Variants in PDXDC1 observed in about 807,000 individuals in gnomAD.
The protein encoded by PDXDC1 is pyridoxal-dependent decarboxylase domain-containing protein 1.
PDXDC1 carries 42 observed loss-of-function variants against 100.1 expected under a neutral mutation model. The observed-to-expected ratio is 0.42, with a 90% CI of 0.33 to 0.54. The LOEUF is 0.54. Among genes scored for constraint, PDXDC1 ranks in the 20% least tolerant of loss-of-function variants. The pLI, the probability that PDXDC1 is intolerant of heterozygous loss-of-function variation, is 0.10. For synonymous variants in PDXDC1, 260 were observed against 371.7 expected, an observed-to-expected ratio of 0.70 and a Z score of 3.46; for missense variants, 636 against 979.2, an observed-to-expected ratio of 0.65 and a Z score of 4.68.
intron 16 of PDXDC1, among the ~76,000 whole-genome samples, chr16:15,070,837 A>T (rs1597902842): frequency 6.6e-6 from 1 of 152,302 alleles, no homozygotes; most frequent in Non-Finnish European, 1.5e-5. Flanking sequence ...TACAAAAAGA[A>T]TCAAAACAGT....
chr16:15,064,245 G>C (rs1234182381), intron 16 of PDXDC1, among the ~76,000 whole-genome samples: 1 of 151,412 alleles, frequency 6.6e-6, no homozygotes, highest in Non-Finnish European at 1.5e-5. Context: ...GTGCAATCTC[G>C]GCTCACTGCA....
chr16:15,084,200 C>A (rs1250865785), intron 16 of PDXDC1, among the ~76,000 whole-genome samples: 1 of 152,144 alleles, frequency 6.6e-6, no homozygotes, highest in African/African-American at 2.4e-5. Context: ...AAGAAAAAAT[C>A]ATCAAGTTGG....
intron 16 of PDXDC1, among the ~76,000 whole-genome samples, chr16:15,079,317 G>A (rs1187922714): frequency 6.6e-6 from 1 of 152,084 alleles, no homozygotes; most frequent in Non-Finnish European, 1.5e-5. Context: ...CTTAAACAAA[G>A]TTTTAACTGT....
At chr16:15,123,925 C>G (rs2047562623) in intron 16 of PDXDC1, among the ~76,000 whole-genome samples, 1 of 147,964 alleles carries the variant, frequency 6.8e-6, no homozygotes, top group African/African-American at 2.5e-5. Context: ...TCAAATCACC[C>G]CTAACCCACC....
intron 16 of PDXDC1, among the ~76,000 whole-genome samples, chr16:15,031,138 A>G (rs1266292036): frequency 1.7e-5 from 1 of 58,444 alleles, no homozygotes; most frequent in Non-Finnish European, 3.5e-5. Flanking sequence ...TTTTTTTTCC[A>G]TAGAGACGTG....
In PDXDC1 at chr16:15,032,217, T is replaced by C. The variant is rs1597673787; in HGVS notation, c.1571+311T>C. Reference sequence around the variant, plus strand: ...GTTACTATCCAGGGCATATAGAGAATTGCAAATCAGTAAGAAAAAGAACCC... The same window carrying C: ...GTTACTATCCAGGGCATATAGAGAACTGCAAATCAGTAAGAAAAAGAACCC... On this transcript the variant is annotated intron_variant, in intron 17 of 22. Coordinates refer to ENST00000396410, the MANE Select transcript of PDXDC1 (RefSeq NM_015027.4). 2.6e-5 allele frequency: 9 copies of C among 345,378 alleles called. No homozygotes were observed. In the East Asian group the frequency reaches 4.2e-4, roughly 16 times the overall value. The allele number at this position is 345,378 out of a possible 1,614,324, so 21.4% of individuals were successfully genotyped here. A position where few individuals can be genotyped will look rare whatever the true frequency, so the allele number is the denominator to read the frequency against.
chr16:15,094,368 C>T, intron 16 of PDXDC1: 1 of 800,746 alleles, frequency 1.2e-6, no homozygotes, highest in Non-Finnish European at 2.0e-6. Context: ...AGGGCGTATG[C>T]TCTCGGCGGG....
chr16:14,987,407 G>T (rs541539766), intron 1 of PDXDC1, among the ~76,000 whole-genome samples: 2 of 152,388 alleles, frequency 1.3e-5, no homozygotes, highest in South Asian at 4.1e-4. Context: ...TATGATTTGG[G>T]GCTTGTGAGG....
Position 15,017,113 on chromosome 16 carries a change from C to T in PDXDC1, c.813-7C>T, listed in dbSNP as rs2041851591. The T allele has an allele frequency of 1.2e-6, 2 of 1,613,948 alleles. No homozygotes were observed. The highest frequency in any genetic ancestry group is 4.5e-5 in the East Asian group (2 of 44,862). On this transcript the variant is annotated splice_region_variant and splice_polypyrimidine_tract_variant and intron_variant, in intron 9 of 22. Transcript: ENST00000396410. Reference sequence around the variant, plus strand: ...ATTAGTTCTTGGACTGGTGTTTTTTCTTCCAGTGTGAATCTGGCAACATTG... The same window carrying T: ...ATTAGTTCTTGGACTGGTGTTTTTTTTTCCAGTGTGAATCTGGCAACATTG...
At position 15,018,653 on chromosome 16, in the gene PDXDC1, G is replaced by A. The variant is rs201318201; in HGVS notation, c.964-187G>A. ...TGAGCTGTGAACCCTTGGACAAACC[G>A]AGGTCTCTGAGTGAAGTTACCTAGA... On this transcript the variant is annotated intron_variant, in intron 11 of 22. Transcript: ENST00000396410. Among the ~76,000 whole-genome samples the A allele has an allele frequency of 1.6e-3, 248 of 152,236 alleles. No homozygotes were observed. In the East Asian group the frequency reaches 0.039, roughly 24 times the overall value.
At chr16:15,034,882 A>G (rs1240249894) in intron 21 of PDXDC1, among the ~76,000 whole-genome samples, 1 of 152,120 alleles carries the variant, frequency 6.6e-6, no homozygotes, top group East Asian at 1.9e-4. Context: ...TCTTGTCTTC[A>G]TGTGTGTTCT....
chr16:15,130,206 A>G (rs1456893301), intron 16 of PDXDC1: 3 of 1,550,326 alleles, frequency 1.9e-6, no homozygotes, highest in Non-Finnish European at 2.6e-6. Flanking sequence ...ACTCACAGGA[A>G]ACACAAAGCG....
At chr16:15,079,955 C>A in intron 16 of PDXDC1, 1 of 1,530,420 alleles carries the variant, frequency 6.5e-7, no homozygotes, top group African/African-American at 1.4e-5. Flanking sequence ...ATAACAAATT[C>A]AAGTCAGTAA....
chr16:15,076,094 C>T (rs1019624221), intron 16 of PDXDC1, among the ~76,000 whole-genome samples: 10 of 152,160 alleles, frequency 6.6e-5, no homozygotes, highest in African/African-American at 2.2e-4. Context: ...ACCCGGCCCC[C>T]GTTTAGCTCC....
chr16:14,999,654 T>C (rs1375722904), intron 3 of PDXDC1, among the ~76,000 whole-genome samples: 1 of 152,268 alleles, frequency 6.6e-6, no homozygotes, highest in African/African-American at 2.4e-5. Context: ...AAGAGGTATT[T>C]TAATTTGATA....
rs750817246 is a variant in PDXDC1 at position 15,104,637 on chromosome 16, G to A, written c.1400-34242G>A. 5.0e-6 allele frequency: 8 copies of A among 1,598,156 alleles called. 1 individual carries two copies. In the South Asian group the frequency reaches 6.6e-5, roughly 13 times the overall value. ...GAGGCTCAGGGAGTTATCAGTTATA[G>A]AATGTTGTTGAGTTGGAGGAGGTGG... On this transcript the variant is annotated intron_variant, in intron 16 of 16. Coordinates refer to the PDXDC1 transcript ENST00000535621.
intron 16 of PDXDC1, among the ~76,000 whole-genome samples, chr16:15,051,086 A>G (rs2044273887): frequency 6.6e-6 from 1 of 152,284 alleles, no homozygotes; most frequent in East Asian, 1.9e-4. Context: ...TTCCCTCTTG[A>G]TTACTCCTGA....
Position 15,037,816 on chromosome 16 carries a change from C to A in PDXDC1, c.*1541C>A. 6.6e-6 allele frequency: 3 copies of A among 451,750 alleles called. No homozygotes were observed. Among genetic ancestry groups the A allele is most frequent in the Non-Finnish European group, 7.8e-6 (2 of 256,940 alleles). The allele number at this position is 451,750 out of a possible 1,614,324, so 28.0% of individuals were successfully genotyped here. On this transcript the variant is annotated 3_prime_UTR_variant, in exon 23 of 23. Coordinates refer to ENST00000396410, the MANE Select transcript of PDXDC1 (RefSeq NM_015027.4). ...ACCGACCAAAAAAAAAACTGGACAT[C>A]AATTTTTTAGTAAACCAAAAAATAA...
chr16:15,026,280 G>C, intron 13 of PDXDC1: 1 of 303,204 alleles, frequency 3.3e-6, no homozygotes. Context: ...ATAATTTCTG[G>C]GATTCTTGAA....
Sources: gnomAD v4.1 joint callset for allele counts (sites outside exome capture counted in the v4.1 genomes callset) on GRCh38, gnomAD v4.1.1 for gene constraint, MANE v1.5 for transcripts, NCBI Gene and HGNC (gene_info 2026-07-23, HGNC 2026-07-21) for gene names.